Variants in SLC4A10 observed in about 807,000 individuals in gnomAD.
The protein encoded by SLC4A10 is sodium-driven chloride bicarbonate exchanger.
In SLC4A10, 42 loss-of-function variants were observed where a neutral mutation model predicts 137.7. That is an observed-to-expected ratio of 0.30 (90% CI 0.24 to 0.39). The LOEUF is 0.39. SLC4A10 is among the 10% of genes least tolerant of loss of function. The pLI is 1.00. For missense variants in SLC4A10, 925 were observed against 1,355.0 expected (o/e 0.68, Z 4.98); for synonymous variants, 474 against 464.1 (o/e 1.02, Z -0.27).
chr2:161,624,432 A>G lies in SLC4A10; in HGVS notation c.-87A>G. ...TCCTGCTTCAGAGCTACCTGATCCG[A>G]ATACTAAGCAGAGCGAGTGCCGGGC... On this transcript the variant is annotated 5_prime_UTR_variant, in exon 1 of 27. Coordinates refer to ENST00000446997, the MANE Select transcript of SLC4A10 (RefSeq NM_001178015.2). 2 of 1,546,074 alleles carry G rather than the reference A, an allele frequency of 1.3e-6. No homozygotes were observed. The highest frequency in any genetic ancestry group is 1.7e-6 in the Non-Finnish European group (2 of 1,143,508).
chr2:161,777,410 A>G (rs1337103865), intron 2 of SLC4A10, among the ~76,000 whole-genome samples: 1 of 151,978 alleles, frequency 6.6e-6, no homozygotes, highest in Non-Finnish European at 1.5e-5. Flanking sequence ...TTTCAATGTC[A>G]TAGCCAGGAA....
At chr2:161,825,089 CAT>C (rs2057925912) in intron 3 of SLC4A10, among the ~76,000 whole-genome samples, 1 of 152,124 alleles carries the variant, frequency 6.6e-6, no homozygotes, top group Non-Finnish European at 1.5e-5. Context: ...ACATAATACA[CAT>C]AATATACACA....
intron 5 of SLC4A10, among the ~76,000 whole-genome samples, chr2:161,860,328 T>C (rs1236161873): frequency 1.3e-5 from 2 of 152,182 alleles, no homozygotes; most frequent in Non-Finnish European, 2.9e-5. Context: ...GCTTTTTTAG[T>C]GTTCGAGCCT....
intron 19 of SLC4A10, among the ~76,000 whole-genome samples, chr2:161,956,546 C>G (rs192431474): frequency 6.6e-6 from 1 of 152,276 alleles, no homozygotes; most frequent in Admixed American, 6.5e-5. Flanking sequence ...GCAGTTTTCA[C>G]ACACCCCATT....
intron 1 of SLC4A10, among the ~76,000 whole-genome samples, chr2:161,662,778 C>T (rs1260213011): frequency 6.6e-6 from 1 of 152,190 alleles, no homozygotes; most frequent in African/African-American, 2.4e-5. Flanking sequence ...GAACTAAAGT[C>T]AGTAACAGTT....
At chr2:161,812,616 G>A (rs1205469589) in intron 3 of SLC4A10, among the ~76,000 whole-genome samples, 2 of 152,098 alleles carry the variant, frequency 1.3e-5, no homozygotes, top group Admixed American at 1.3e-4. Context: ...ACAACATGCA[G>A]TATTTGGTTT....
chr2:161,713,438 A>C (rs1297317127), intron 1 of SLC4A10, among the ~76,000 whole-genome samples: 1 of 151,814 alleles, frequency 6.6e-6, no homozygotes, highest in Non-Finnish European at 1.5e-5. Flanking sequence ...GATTTTAATA[A>C]AATTTTCTAT....
intron 4 of SLC4A10, among the ~76,000 whole-genome samples, chr2:161,842,188 G>A (rs1403134465): frequency 6.6e-6 from 1 of 152,090 alleles, no homozygotes; most frequent in Admixed American, 6.5e-5. Flanking sequence ...TTTCTGTAAA[G>A]TGAATTTCTA....
At chr2:161,736,268 G>C (rs1367177931) in intron 1 of SLC4A10, among the ~76,000 whole-genome samples, 1 of 152,098 alleles carries the variant, frequency 6.6e-6, no homozygotes. Flanking sequence ...TGAAAGCACA[G>C]AGCTGAGACT....
chr2:161,637,536 G>C (rs1361548925), intron 1 of SLC4A10, among the ~76,000 whole-genome samples: 1 of 151,994 alleles, frequency 6.6e-6, no homozygotes, highest in East Asian at 1.9e-4. Context: ...CTCATTTATT[G>C]ATGGACACTT....
intron 14 of SLC4A10, 83 bp downstream of exon 14, chr2:161,904,992 G>T: frequency 7.0e-7 from 1 of 1,421,228 alleles, no homozygotes; most frequent in South Asian, 1.4e-5. Flanking sequence ...CACTTTTGGA[G>T]GTCTGTTGAT....
rs181851567 is a variant in SLC4A10 at position 161,961,814 on chromosome 2, C to T, written c.2863-2321C>T. The stretch of plus-strand genomic sequence containing the variant: ...TCTTTTAAATGAAAATTGAAGAAAA[C>T]GTTATCAAAAGCCCATGAGTTAAAT... On this transcript the variant is annotated intron_variant, in intron 21 of 26. Coordinates refer to ENST00000446997, the MANE Select transcript of SLC4A10 (RefSeq NM_001178015.2). Among the ~76,000 whole-genome samples, 341 of 152,074 alleles carry T rather than the reference C, an allele frequency of 2.2e-3. 1 individual carries two copies. Among genetic ancestry groups the T allele is most frequent in the Middle Eastern group, 0.01 (3 of 294 alleles).
chr2:161,708,665 G>A, intron 1 of SLC4A10: 1 of 1,493,348 alleles, frequency 6.7e-7, no homozygotes, highest in Admixed American at 2.2e-5. Flanking sequence ...CTGATGGACA[G>A]ATCTGTTGTT....
At chr2:161,672,787 A>T (rs1039855907) in intron 1 of SLC4A10, among the ~76,000 whole-genome samples, 1 of 152,212 alleles carries the variant, frequency 6.6e-6, no homozygotes, top group Non-Finnish European at 1.5e-5. Flanking sequence ...ATCAAAGGGA[A>T]TATCCAATTT....
intron 15 of SLC4A10, among the ~76,000 whole-genome samples, chr2:161,913,070 CA>C (rs1686239279): frequency 6.6e-6 from 1 of 152,062 alleles, no homozygotes; most frequent in African/African-American, 2.4e-5. Context: ...GCTAATGAAA[CA>C]GATTATAGGA....
intron 1 of SLC4A10, among the ~76,000 whole-genome samples, chr2:161,666,440 G>A (rs2039057374): frequency 6.6e-6 from 1 of 151,530 alleles, no homozygotes; most frequent in Non-Finnish European, 1.5e-5. Flanking sequence ...GAAAAAAATT[G>A]CAGCCAAGGT....
At chr2:161,953,656 A>G (rs1695184651) in intron 19 of SLC4A10, among the ~76,000 whole-genome samples, 2 of 152,202 alleles carry the variant, frequency 1.3e-5, no homozygotes, top group Admixed American at 6.5e-5. Context: ...TATTTACACA[A>G]TAAAGCTGTG....
chr2:161,735,683 A>G (rs189106351), intron 1 of SLC4A10, among the ~76,000 whole-genome samples: 1 of 152,240 alleles, frequency 6.6e-6, no homozygotes, highest in East Asian at 1.9e-4. Flanking sequence ...GAAGGATCCA[A>G]CCCTTCGTAG....
chr2:161,628,791 T>TG (rs1484132224), intron 1 of SLC4A10, among the ~76,000 whole-genome samples: 1 of 152,000 alleles, frequency 6.6e-6, no homozygotes, highest in Admixed American at 6.6e-5. Flanking sequence ...ATGCTAAGGT[T>TG]GGGAATGAGT....
Sources: gnomAD v4.1 joint callset for allele counts (sites outside exome capture counted in the v4.1 genomes callset) on GRCh38, gnomAD v4.1.1 for gene constraint, MANE v1.5 for transcripts, NCBI Gene and HGNC (gene_info 2026-07-23, HGNC 2026-07-21) for gene names.